The following MMP20 variants were observed in gnomAD, a reference collection of about 807,000 sequenced individuals.
MMP20 encodes the protein matrix metallopeptidase 20.
Under a neutral mutation model 51.8 loss-of-function variants are expected in MMP20, and 50 were observed. That is an observed-to-expected ratio of 0.97 (90% CI 0.77 to 1.22). MMP20 has a LOEUF of 1.22. Ranked by LOEUF, MMP20 falls within the 50% of genes most tolerant of loss-of-function variation. The pLI is 0.00. For synonymous variants in MMP20, 244 were observed against 216.2 expected (o/e 1.13, Z -1.13); for missense variants, 663 against 601.4 (o/e 1.10, Z -1.07).
At position 102,616,867 on chromosome 11, in the gene MMP20, TGGCCACATCA is replaced by T; in HGVS notation, c.309_318del (p.Asp104IlefsTer16). The T allele has an allele frequency of 6.2e-7, 1 of 1,614,240 alleles. No homozygotes were observed. Among genetic ancestry groups the T allele is most frequent in the Non-Finnish European group, 8.5e-7 (1 of 1,180,040 alleles). On this transcript the variant is annotated frameshift_variant, in exon 2 of 10. Transcript: ENST00000260228. LOFTEE classifies it high-confidence loss of function. ...GGTTCACCAGGGAAGAGGCGATAAT[TGGCCACATCA>T]GGAACTCCACAGCGAGGCTTCTTGA... is the stretch of plus-strand genomic sequence containing the variant.
chr11:102,606,022 C>G (rs1397873260), intron 6 of MMP20, among the ~76,000 whole-genome samples: 1 of 152,190 alleles, frequency 6.6e-6, no homozygotes, highest in Admixed American at 6.5e-5. Context: ...TCCATCTGAT[C>G]ATCCATCCAT....
intron 2 of MMP20, among the ~76,000 whole-genome samples, chr11:102,615,203 AT>A (rs1859653995): frequency 7.1e-6 from 1 of 141,194 alleles, no homozygotes; most frequent in Non-Finnish European, 1.5e-5. Flanking sequence ...TTATTAATAA[AT>A]AGTATTTTAT....
At chr11:102,610,155 T>C (rs1859579092) in intron 3 of MMP20, 125 bp from the exon 4 acceptor site, 2 of 1,100,820 alleles carry the variant, frequency 1.8e-6, no homozygotes, top group South Asian at 2.7e-5. Context: ...TCAGTATTTA[T>C]TTGTTATAAT....
intron 6 of MMP20, among the ~76,000 whole-genome samples, chr11:102,602,116 A>T (rs1591615989): frequency 9.1e-6 from 1 of 109,656 alleles, no homozygotes; most frequent in South Asian, 3.1e-4. Context: ...CGCCCGGCTA[A>T]TTTTTTTTTT....
chr11:102,615,969 G>A (rs1859664445), intron 2 of MMP20, among the ~76,000 whole-genome samples: 1 of 152,138 alleles, frequency 6.6e-6, no homozygotes, highest in Non-Finnish European at 1.5e-5. Context: ...ACCAACCTGG[G>A]GAGGAAGTCT....
At chr11:102,593,356 C>G in intron 8 of MMP20, 83 bp downstream of exon 8, 1 of 1,483,264 alleles carries the variant, frequency 6.7e-7, no homozygotes. Flanking sequence ...ACTTGCTTTG[C>G]ATTCTTTCGT....
chr11:102,590,267 G>T (rs1176216507), intron 8 of MMP20, among the ~76,000 whole-genome samples: 1 of 152,186 alleles, frequency 6.6e-6, no homozygotes, highest in East Asian at 1.9e-4. Flanking sequence ...GCTAGAAAGA[G>T]AATAGGAAGG....
intron 2 of MMP20, among the ~76,000 whole-genome samples, chr11:102,615,064 T>C (rs2080136923): frequency 6.8e-6 from 1 of 147,832 alleles, no homozygotes; most frequent in Admixed American, 6.8e-5. Context: ...TTAATGTAAT[T>C]ATTTAATATA....
chr11:102,620,367 G>T (rs1011700193), intron 1 of MMP20, among the ~76,000 whole-genome samples: 1 of 152,196 alleles, frequency 6.6e-6, no homozygotes, highest in African/African-American at 2.4e-5. Context: ...GCACTTAGGT[G>T]TGTACTTAGA....
chr11:102,600,086 T>C (rs957175124), intron 6 of MMP20, among the ~76,000 whole-genome samples: 22 of 152,184 alleles, frequency 1.4e-4, no homozygotes, highest in African/African-American at 4.6e-4. Flanking sequence ...GAATTCTTAA[T>C]AGATCACAGA....
intron 3 of MMP20, among the ~76,000 whole-genome samples, chr11:102,610,281 T>TA (rs1859580859): frequency 6.6e-6 from 1 of 152,078 alleles, no homozygotes; most frequent in Non-Finnish European, 1.5e-5. Flanking sequence ...TTATTGTTGC[T>TA]ATCATGACAT....
At chr11:102,581,763 G>T (rs1369275322) in intron 8 of MMP20, among the ~76,000 whole-genome samples, 2 of 152,118 alleles carry the variant, frequency 1.3e-5, no homozygotes, top group African/African-American at 4.8e-5. Context: ...CAAGATTGTT[G>T]AAAGGTGGAT....
At chr11:102,607,463 G>A (rs1859532857) in intron 5 of MMP20, 2 of 152,912 alleles carry the variant, frequency 1.3e-5, no homozygotes, top group Admixed American at 6.5e-5. Flanking sequence ...GTGAGAGTCA[G>A]GGAAGGAATG....
intron 1 of MMP20, among the ~76,000 whole-genome samples, chr11:102,623,817 T>C (rs755589763): frequency 1.2e-4 from 19 of 152,068 alleles, no homozygotes; most frequent in Non-Finnish European, 2.9e-5. Context: ...CTTCTGGAGG[T>C]CACAAAACCT....
intron 2 of MMP20, among the ~76,000 whole-genome samples, chr11:102,615,734 A>T (rs560044474): frequency 1.3e-5 from 2 of 152,054 alleles, no homozygotes; most frequent in Non-Finnish European, 2.9e-5. Flanking sequence ...GCTGCCCATC[A>T]ACATGCCAGT....
intron 1 of MMP20, among the ~76,000 whole-genome samples, chr11:102,622,289 G>C (rs1480276749): frequency 1.3e-5 from 2 of 152,238 alleles, no homozygotes; most frequent in Admixed American, 1.3e-4. Flanking sequence ...AGCAAGAAGA[G>C]AGCATCCCTA....
Position 102,616,748 on chromosome 11 carries a change from A to C in MMP20, c.374+64T>G, listed in dbSNP as rs1859676247. The C allele has an allele frequency of 1.9e-6, 3 of 1,597,922 alleles. No individual in the cohort carries two copies. The Admixed American group carries it at 5.0e-5, about 27-fold the overall frequency. ...CGGATGAGAAGGAAAATATTTTTTC[A>C]AGAAAAGGGAAAAAGAGAGAGGTGG... On this transcript the variant is annotated intron_variant, in intron 2 of 9. Coordinates refer to ENST00000260228, the MANE Select transcript of MMP20 (RefSeq NM_004771.4).
chr11:102,593,635 C>T (rs200590644), intron 7 of MMP20, 40 bp from the exon 8 acceptor site: 2 of 1,607,630 alleles, frequency 1.2e-6, no homozygotes, highest in Non-Finnish European at 1.7e-6. Flanking sequence ...CTCTGCACCA[C>T]TTGGTGATGC....
At chr11:102,595,885 C>G (rs1369162251) in intron 6 of MMP20, among the ~76,000 whole-genome samples, 2 of 152,220 alleles carry the variant, frequency 1.3e-5, no homozygotes, top group African/African-American at 4.8e-5. Flanking sequence ...AATTACTTCA[C>G]AGGATTATTT....
Sources: allele counts gnomAD v4.1 joint callset (sites outside exome capture counted in the v4.1 genomes callset), GRCh38; gene constraint gnomAD v4.1.1; transcripts MANE v1.5; gene names NCBI Gene and HGNC (gene_info 2026-07-23, HGNC 2026-07-21).